The following TUBB8B variants were observed in gnomAD, a reference collection of about 807,000 sequenced individuals.
The protein encoded by TUBB8B is HSA18p11 beta-tubulin 4Q pseudogene.
In TUBB8B, 26 loss-of-function variants were observed where a neutral mutation model predicts 31.9. The ratio of observed to expected loss-of-function variants is 0.81; its 90% CI spans 0.60 to 1.13. TUBB8B has a LOEUF of 1.13. TUBB8B is among the 50% of genes most tolerant of loss of function. The pLI, the probability that TUBB8B is intolerant of heterozygous loss-of-function variation, is 0.00. For missense variants in TUBB8B, 467 were observed against 586.7 expected (o/e 0.80, Z 2.11); for synonymous variants, 173 against 231.0 (o/e 0.75, Z 2.28).
At position 49,000 on chromosome 18, in the gene TUBB8B, T is replaced by A; in HGVS notation, c.217A>T (p.Met73Leu). 1 of 1,609,526 alleles carries A rather than the reference T, an allele frequency of 6.2e-7. No individual in the cohort carries two copies. The highest frequency in any genetic ancestry group is 1.3e-5 in the African/African-American group (1 of 74,802). Reference sequence around the variant, plus strand: ...AAGGGCCCCGAGTGCACAGAGTCCATGGTGCCCGGCTCCAGATCCACGAGC... The same window carrying A: ...AAGGGCCCCGAGTGCACAGAGTCCAAGGTGCCCGGCTCCAGATCCACGAGC... Reference protein sequence around the residue: ...AVLVDLEPGTMDSVHSGPFGQ... With the variant: ...AVLVDLEPGTLDSVHSGPFGQ... The change falls in exon 3 of 4, where the codon ATG (methionine) becomes TTG (leucine). Residue 73 changes from methionine to leucine, a missense_variant. By Grantham distance (15) the Met-to-Leu change is conservative. Coordinates refer to ENST00000308911, the MANE Select transcript of TUBB8B (RefSeq NM_001358689.2).
the TUBB8B span, among the ~76,000 whole-genome samples, chr18:71,324 G>C: frequency 2.0e-5 from 3 of 152,010 alleles, no homozygotes; most frequent in African/African-American, 7.2e-5. Flanking sequence ...AAGGCAGGTG[G>C]ATCACTTGAG....
the TUBB8B span, among the ~76,000 whole-genome samples, chr18:69,304 A>G: frequency 6.6e-6 from 1 of 152,176 alleles, no homozygotes; most frequent in Non-Finnish European, 1.5e-5. Flanking sequence ...CTCTACAAAA[A>G]AAAACAAAAA....
At chr18:49,468 C>G in intron 1 of TUBB8B, 33 bp downstream of exon 1, 1 of 966,392 alleles carries the variant, frequency 1.0e-6, no homozygotes, top group East Asian at 2.7e-5. Flanking sequence ...CCCGGCAGGC[C>G]CGGGCTGGGC....
chr18:54,608 C>T (rs1044980482), upstream of TUBB8B, among the ~76,000 whole-genome samples: 1 of 151,946 alleles, frequency 6.6e-6, no homozygotes, highest in Admixed American at 6.6e-5. Flanking sequence ...TTAGCACCCA[C>T]AAATAAGTGA....
chr18:63,125 G>A, the TUBB8B span, among the ~76,000 whole-genome samples: 3 of 151,588 alleles, frequency 2.0e-5, no homozygotes, highest in East Asian at 3.9e-4. Context: ...TCCAGGATTT[G>A]CCCCTGGTGC....
the TUBB8B span, among the ~76,000 whole-genome samples, chr18:68,130 C>T: frequency 1.3e-5 from 2 of 152,226 alleles, no homozygotes; most frequent in South Asian, 2.1e-4. Flanking sequence ...AGTTTGATGT[C>T]GTCTCTGCTT....
At chr18:67,217 G>A in the TUBB8B span, among the ~76,000 whole-genome samples, 14 of 152,278 alleles carry the variant, frequency 9.2e-5, no homozygotes, top group South Asian at 8.3e-4. Flanking sequence ...GGATGGTATC[G>A]ATCTCCTGAT....
At chr18:63,856 C>A in the TUBB8B span, among the ~76,000 whole-genome samples, 1 of 149,316 alleles carries the variant, frequency 6.7e-6, no homozygotes, top group East Asian at 2.0e-4. Context: ...TAACCATGAC[C>A]CCTAACCACT....
At chr18:61,291 C>T in the TUBB8B span, among the ~76,000 whole-genome samples, 7 of 151,546 alleles carry the variant, frequency 4.6e-5, no homozygotes, top group South Asian at 2.1e-4. Context: ...TGGTTTCTAT[C>T]GGCATGGAAT....
chr18:53,819 G>A (rs191577232), upstream of TUBB8B, among the ~76,000 whole-genome samples: 609 of 151,936 alleles, frequency 4.0e-3, 16 homozygotes, highest in Non-Finnish European at 6.9e-3. Flanking sequence ...GCAGGGAGCC[G>A]AGCAAATTCA....
the TUBB8B span, among the ~76,000 whole-genome samples, chr18:72,601 G>A: frequency 6.6e-6 from 1 of 152,062 alleles, no homozygotes; most frequent in Non-Finnish European, 1.5e-5. Context: ...GCAGTGGCAT[G>A]ACCATGATAA....
At chr18:67,389 C>G in the TUBB8B span, among the ~76,000 whole-genome samples, 4 of 152,236 alleles carry the variant, frequency 2.6e-5, no homozygotes, top group South Asian at 8.3e-4. Flanking sequence ...GTCACCCAGG[C>G]TGGAATGCAG....
the TUBB8B span, among the ~76,000 whole-genome samples, chr18:72,164 C>T: frequency 1.9e-5 from 1 of 53,994 alleles, no homozygotes; most frequent in Non-Finnish European, 3.6e-5. Context: ...GGAGACAGAG[C>T]GAGACTCCAT....
chr18:63,695 C>A, the TUBB8B span, among the ~76,000 whole-genome samples: 19 of 135,316 alleles, frequency 1.4e-4, no homozygotes, highest in Non-Finnish European at 2.6e-4. Context: ...TAACCCCTAA[C>A]CCTAACCCTA....
At chr18:62,841 G>C in the TUBB8B span, among the ~76,000 whole-genome samples, 15 of 151,246 alleles carry the variant, frequency 9.9e-5, no homozygotes, top group African/African-American at 3.4e-4. Flanking sequence ...ATTCTTTTTT[G>C]TCTCCTCTGA....
chr18:61,442 C>CA, the TUBB8B span, among the ~76,000 whole-genome samples: 1 of 151,540 alleles, frequency 6.6e-6, no homozygotes, highest in Admixed American at 6.6e-5. Context: ...AGTTCATGTA[C>CA]ATTCAATGTT....
chr18:48,637 G>A (rs908073271), intron 3 of TUBB8B, 190 bp from the exon 4 acceptor site: 4 of 675,410 alleles, frequency 5.9e-6, no homozygotes, highest in African/African-American at 5.3e-5. Context: ...TAAGACAGGA[G>A]TCAAACCTGA....
chr18:65,602 C>G, the TUBB8B span, among the ~76,000 whole-genome samples: 1 of 152,182 alleles, frequency 6.6e-6, no homozygotes, highest in African/African-American at 2.4e-5. Flanking sequence ...AGCACCATCT[C>G]CATTGTCAGG....
Position 49,540 on chromosome 18 carries a change from G to C in TUBB8B, c.18C>G (p.Leu6=), listed in dbSNP as rs749469775. 1.1e-6 allele frequency: 1 copy of C among 916,370 alleles called. No homozygotes were observed. 56.8% of individuals were successfully genotyped at this position (916,370 alleles called of 1,614,324 possible). The change falls in exon 1 of 4, where the codon CTC becomes CTG. Residue 6 remains leucine, a synonymous_variant. Transcript: ENST00000308911. MREIV[L]TQTGQCGNQI... is the part of the protein sequence containing the mutation. ...GGTTCCCGCACTGCCCGGTCTGCGTGAGCACGATTTCCCTCATGGCCAAGG... is the reference window on the plus strand; with the variant it reads ...GGTTCCCGCACTGCCCGGTCTGCGTCAGCACGATTTCCCTCATGGCCAAGG...
Sources: allele counts gnomAD v4.1 joint callset (sites outside exome capture counted in the v4.1 genomes callset), GRCh38; gene constraint gnomAD v4.1.1; transcripts MANE v1.5; gene names NCBI Gene and HGNC (gene_info 2026-07-23, HGNC 2026-07-21).